Variants in SPTBN1 observed in about 807,000 individuals in gnomAD.
The protein encoded by SPTBN1 is spectrin beta chain, non-erythrocytic 1.
A neutral mutation model predicts 266.4 loss-of-function variants in SPTBN1; 32 were observed. That is an observed-to-expected ratio of 0.12 (90% CI 0.09 to 0.16). The LOEUF is 0.16. SPTBN1 is among the 10% of genes least tolerant of loss of function. The probability of loss-of-function intolerance (pLI) is 1.00; values close to 1 mark genes in which losing one functional copy is unlikely to be tolerated. For missense variants in SPTBN1, 2,296 were observed against 3,067.1 expected (o/e 0.75, Z 5.94); for synonymous variants, 1,336 against 1,162.2 (o/e 1.15, Z -3.04).
At position 54,581,676 on chromosome 2, in the gene SPTBN1, G is replaced by T. The variant is rs1372842681; in HGVS notation, c.149-17416G>T. Among the ~76,000 whole-genome samples, 4 of 140,840 alleles carry T rather than the reference G, an allele frequency of 2.8e-5. No individual in the cohort carries two copies. The East Asian group carries it at 8.4e-4, about 29-fold the overall frequency. 92.4% of individuals were successfully genotyped at this position (140,840 alleles called of 152,430 possible). Reference sequence around the variant, plus strand: ...AGTTTAAGAAAACTGTCCCAAACCTGAGCTAATAAACAAGAGTAAAAGCCT... The same window carrying T: ...AGTTTAAGAAAACTGTCCCAAACCTTAGCTAATAAACAAGAGTAAAAGCCT... On this transcript the variant is annotated intron_variant, in intron 2 of 35. Coordinates refer to ENST00000356805, the MANE Select transcript of SPTBN1 (RefSeq NM_003128.3).
intron 35 of SPTBN1, 139 bp downstream of exon 35, chr2:54,667,785 T>A: frequency 1.3e-6 from 1 of 743,596 alleles, no homozygotes; most frequent in Non-Finnish European, 2.3e-6. Flanking sequence ...TCACCAGCAC[T>A]AGAAGGTGTT....
chr2:54,615,472 G>C (rs560041781), intron 4 of SPTBN1, among the ~76,000 whole-genome samples: 23 of 152,308 alleles, frequency 1.5e-4, no homozygotes, highest in African/African-American at 4.8e-4. Context: ...GCTGGCAGTT[G>C]GCGCCTAATC....
At chr2:54,639,624 A>T (rs919439308) in intron 18 of SPTBN1, among the ~76,000 whole-genome samples, 1 of 152,232 alleles carries the variant, frequency 6.6e-6, no homozygotes, top group African/African-American at 2.4e-5. Context: ...GTAGACATGT[A>T]TGGGAAAAGT....
At chr2:54,665,371 GTTAAAATTAGT>G (rs1681301628) in intron 33 of SPTBN1, among the ~76,000 whole-genome samples, 1 of 152,204 alleles carries the variant, frequency 6.6e-6, no homozygotes, top group African/African-American at 2.4e-5. Context: ...CCGGTGTTCT[GTTAAAATTAGT>G]ATATTAGGAC....
At chr2:54,668,282 A>C in intron 35 of SPTBN1, 69 bp from the exon 36 acceptor site, 2 of 1,520,452 alleles carry the variant, frequency 1.3e-6, no homozygotes, top group South Asian at 2.3e-5. Context: ...GCCATTCCCA[A>C]GCCTTGGAGC....
At position 54,626,103 on chromosome 2, in the gene SPTBN1, A is replaced by G. The variant is rs757489341; in HGVS notation, c.1513A>G (p.Asn505Asp). The G allele has an allele frequency of 6.2e-7, 1 of 1,614,210 alleles. No homozygotes were observed. Among genetic ancestry groups the G allele is most frequent in the Non-Finnish European group, 8.5e-7 (1 of 1,180,034 alleles). ...DIKRITARKDNVIRLWEYLLE... is the reference protein window; with the variant it reads ...DIKRITARKDDVIRLWEYLLE... The stretch of plus-strand genomic sequence containing the variant: ...CAAGCGCATCACAGCGAGGAAGGAC[A>G]ATGTCATCCGGCTCTGGGAATACCT... The change falls in exon 12 of 36, where the codon AAT becomes GAT. Residue 505 changes from asparagine (N) to aspartate (D), a missense_variant. Coordinates refer to ENST00000356805, the MANE Select transcript of SPTBN1 (RefSeq NM_003128.3). The surrounding 1 kb of genome is among the most constrained non-coding windows in gnomAD (Gnocchi z 4.7).
chr2:54,548,885 A>G (rs892135814), intron 2 of SPTBN1, among the ~76,000 whole-genome samples: 8 of 152,166 alleles, frequency 5.3e-5, no homozygotes, highest in African/African-American at 1.9e-4. Flanking sequence ...GAGTCACCAT[A>G]TGGTGCCACC....
At chr2:54,478,599 G>C (rs750751864) in intron 1 of SPTBN1, among the ~76,000 whole-genome samples, 29 of 152,178 alleles carry the variant, frequency 1.9e-4, no homozygotes, top group Non-Finnish European at 4.3e-4. Flanking sequence ...TCACACAAGA[G>C]TAAGGGCTGA....
At position 54,487,400 on chromosome 2, in the gene SPTBN1, A is replaced by C. The variant is rs558173655; in HGVS notation, c.-48+30882A>C. Among the ~76,000 whole-genome samples, 241 of 93,278 alleles carry C rather than the reference A, an allele frequency of 2.6e-3. 2 individuals carry two copies. Among genetic ancestry groups the C allele is most frequent in the African/African-American group, 0.014 (214 of 15,070 alleles). The allele number at this position is 93,278 out of a possible 152,430, so 61.2% of individuals were successfully genotyped here. The stretch of plus-strand genomic sequence containing the variant: ...CTTGTTTGCATTTACTATATGCATG[A>C]CATACTACTACTGTACAATGAATCG... On this transcript the variant is annotated intron_variant, in intron 1 of 35. Coordinates refer to ENST00000356805, the MANE Select transcript of SPTBN1 (RefSeq NM_003128.3).
intron 2 of SPTBN1, chr2:54,557,963 C>T: frequency 1.0e-6 from 1 of 983,082 alleles, no homozygotes; most frequent in Non-Finnish European, 1.2e-6. Context: ...CAGGTGCGGG[C>T]CGCGTTACCT....
intron 2 of SPTBN1, among the ~76,000 whole-genome samples, chr2:54,576,075 G>GTTTTTTTTTTTTT (rs1674454332): frequency 9.0e-5 from 1 of 11,056 alleles, no homozygotes; most frequent in African/African-American, 4.7e-4. Context: ...TTTTTTTTGA[G>GTTTTTTTTTTTTT]AGACAGTCTG....
At chr2:54,657,232 G>A (rs2104184446) in intron 29 of SPTBN1, among the ~76,000 whole-genome samples, 1 of 152,330 alleles carries the variant, frequency 6.6e-6, no homozygotes, top group Admixed American at 6.5e-5. Flanking sequence ...CATCTGTAGT[G>A]TTCCCATATC....
chr2:54,564,985 T>A (rs1360998882), intron 2 of SPTBN1, among the ~76,000 whole-genome samples: 3 of 152,216 alleles, frequency 2.0e-5, no homozygotes, highest in Admixed American at 2.0e-4. Context: ...GACTCCCTTA[T>A]TGCTGTGGTT....
intron 15 of SPTBN1, 67 bp downstream of exon 15, chr2:54,630,096 C>G: frequency 1.3e-6 from 2 of 1,557,912 alleles, no homozygotes; most frequent in South Asian, 1.2e-5. Context: ...GGTCACTCAT[C>G]GAGCTTTGCT....
intron 1 of SPTBN1, among the ~76,000 whole-genome samples, chr2:54,491,082 A>G (rs936393993): frequency 6.6e-6 from 1 of 152,218 alleles, no homozygotes; most frequent in Non-Finnish European, 1.5e-5. Context: ...GGCAAAATTC[A>G]GAGCAGGGAA....
rs1044223368 is a variant in SPTBN1, at chr2:54,526,638, T to A, written c.148+72T>A. 3.9e-6 allele frequency: 6 copies of A among 1,521,322 alleles called. No homozygotes were observed. The African/African-American group carries it at 8.3e-5, about 21-fold the overall frequency. The allele number at this position is 1,521,322 out of a possible 1,614,324, so 94.2% of individuals were successfully genotyped here. ...GGATGCCCCTTAAAATCATCCACCC[T>A]GTTCCCATGACGCTGTCATGTTCGA... On this transcript the variant is annotated intron_variant, in intron 2 of 35. Coordinates refer to ENST00000356805, the MANE Select transcript of SPTBN1 (RefSeq NM_003128.3).
At chr2:54,471,449 G>C (rs1343216527) in intron 1 of SPTBN1, among the ~76,000 whole-genome samples, 1 of 150,984 alleles carries the variant, frequency 6.6e-6, no homozygotes, top group Non-Finnish European at 1.5e-5. Flanking sequence ...TTTGGACTAA[G>C]CTCCATTCAC....
chr2:54,668,235 A>G (rs1681503930), intron 35 of SPTBN1, 116 bp from the exon 36 acceptor site: 1 of 924,262 alleles, frequency 1.1e-6, no homozygotes, highest in Non-Finnish European at 1.7e-6. Context: ...GACAGTGCCC[A>G]GAAGTGACTC....
chr2:54,548,945 T>C (rs1243772983), intron 2 of SPTBN1, among the ~76,000 whole-genome samples: 1 of 152,132 alleles, frequency 6.6e-6, no homozygotes, highest in Non-Finnish European at 1.5e-5. Flanking sequence ...CAAAAATGGC[T>C]AAATCATTTT....
Sources: gnomAD v4.1 joint callset for allele counts (sites outside exome capture counted in the v4.1 genomes callset) on GRCh38, gnomAD v4.1.1 for gene constraint, Gnocchi (gnomAD v3.1) non-coding constraint, MANE v1.5 for transcripts, NCBI Gene and HGNC (gene_info 2026-07-23, HGNC 2026-07-21) for gene names.